Variants in TMCC3 observed in about 807,000 individuals in gnomAD.
TMCC3 encodes the protein transmembrane and coiled-coil domain family 3, also known as transmembrane and coiled-coil domain protein 3.
TMCC3 carries 28 observed loss-of-function variants against 40.2 expected under a neutral mutation model. The ratio of observed to expected loss-of-function variants is 0.70; its 90% CI spans 0.52 to 0.95. The LOEUF is 0.95. Among genes scored for constraint, TMCC3 ranks in the 40% least tolerant of loss-of-function variants. The pLI, the probability that TMCC3 is intolerant of heterozygous loss-of-function variation, is 0.00. For missense variants in TMCC3, 554 were observed against 615.2 expected (o/e 0.90, Z 1.05); for synonymous variants, 255 against 248.5 (o/e 1.03, Z -0.25).
chr12:94,631,498 G>A (rs528892920), intron 1 of TMCC3, among the ~76,000 whole-genome samples: 1 of 151,908 alleles, frequency 6.6e-6, no homozygotes, highest in South Asian at 2.1e-4. Flanking sequence ...GGAGAAAGAC[G>A]GCCACCTACA....
chr12:94,623,440 C>A (rs930951413), intron 1 of TMCC3, among the ~76,000 whole-genome samples: 1 of 152,204 alleles, frequency 6.6e-6, no homozygotes, highest in Non-Finnish European at 1.5e-5. Flanking sequence ...AGCTACCAGG[C>A]TAGAATGCTG....
chr12:94,602,493 G>A lies in TMCC3; in HGVS notation c.79-19955C>T, dbSNP rs572194247. Among the ~76,000 whole-genome samples the A allele has an allele frequency of 2.0e-4, 31 of 152,238 alleles. No individual in the cohort carries two copies. The South Asian group carries it at 5.2e-3, about 25-fold the overall frequency. On this transcript the variant is annotated intron_variant, in intron 1 of 3. Coordinates refer to ENST00000261226, the MANE Select transcript of TMCC3 (RefSeq NM_020698.4). ...TTAAGAATAGGTTTTAATAAAAGACGAAGTTCCATGAACGGTCAGTAACAT... is the reference window on the plus strand; with the variant it reads ...TTAAGAATAGGTTTTAATAAAAGACAAAGTTCCATGAACGGTCAGTAACAT...
intron 1 of TMCC3, among the ~76,000 whole-genome samples, chr12:94,598,944 C>G (rs1415004893): frequency 1.3e-5 from 2 of 152,164 alleles, no homozygotes; most frequent in East Asian, 1.9e-4. Flanking sequence ...AGGACCCACT[C>G]AAAACACTCG....
At chr12:94,583,598 C>T (rs183031698) in intron 1 of TMCC3, among the ~76,000 whole-genome samples, 203 of 152,314 alleles carry the variant, frequency 1.3e-3, no homozygotes, top group African/African-American at 4.7e-3. Flanking sequence ...AACTGCAACG[C>T]AGCATTGAGT....
Position 94,650,232 on chromosome 12 carries a change from G to A in TMCC3, c.78+121C>T, listed in dbSNP as rs1325937942. 3 of 505,634 alleles carry A rather than the reference G, an allele frequency of 5.9e-6. No homozygotes were observed. The African/African-American group carries it at 6.1e-5, about 10-fold the overall frequency. The allele number at this position is 505,634 out of a possible 1,614,324, so 31.3% of individuals were successfully genotyped here. A position where few individuals can be genotyped will look rare whatever the true frequency, so the allele number is the denominator to read the frequency against. On this transcript the variant is annotated intron_variant, in intron 1 of 3. Coordinates refer to ENST00000261226, the MANE Select transcript of TMCC3 (RefSeq NM_020698.4). Reference sequence around the variant, plus strand: ...AGGATCGGGGAGGCACGGACCTCCGGCGGCAGCGGAGGGCGGCGGCGAAAC... The same window carrying A: ...AGGATCGGGGAGGCACGGACCTCCGACGGCAGCGGAGGGCGGCGGCGAAAC...
At chr12:94,624,791 AAG>A (rs1426243546) in intron 1 of TMCC3, among the ~76,000 whole-genome samples, 1 of 152,130 alleles carries the variant, frequency 6.6e-6, no homozygotes, top group Non-Finnish European at 1.5e-5. Flanking sequence ...TGAACCTTTT[AAG>A]AGAGGGGGAA....
intron 2 of TMCC3, among the ~76,000 whole-genome samples, chr12:94,580,650 G>A (rs1354015537): frequency 2.6e-5 from 4 of 152,062 alleles, no homozygotes; most frequent in Admixed American, 6.6e-5. Flanking sequence ...CAGGAGGATC[G>A]CTTGAAACCA....
chr12:94,633,054 C>A (rs1192522604), intron 1 of TMCC3, among the ~76,000 whole-genome samples: 1 of 151,700 alleles, frequency 6.6e-6, no homozygotes, highest in African/African-American at 2.4e-5. Flanking sequence ...CGCAGTGGGC[C>A]GAGATTGCAC....
chr12:94,599,305 GAAGACTCCAGAGCC>G (rs1485029142), intron 1 of TMCC3, among the ~76,000 whole-genome samples: 1 of 152,126 alleles, frequency 6.6e-6, no homozygotes, highest in Non-Finnish European at 1.5e-5. Context: ...GGGTTCTTCA[GAAGACTCCAGAGCC>G]AAGAACAGTG....
rs147073199 is a variant in TMCC3, at chr12:94,586,533, G to A, written c.79-3995C>T. 7.8e-3 allele frequency among the ~76,000 whole-genome samples: 1,193 copies of A among 152,326 alleles called. 7 individuals carry two copies. The highest frequency in any genetic ancestry group is 0.011 in the Non-Finnish European group (779 of 68,032). ...CCCTCCTGGAGCTCACAGATAAGACGAGATGAAGTTATTTAAAATCTGGCT... is the reference window on the plus strand; with the variant it reads ...CCCTCCTGGAGCTCACAGATAAGACAAGATGAAGTTATTTAAAATCTGGCT... On this transcript the variant is annotated intron_variant, in intron 1 of 3. Transcript: ENST00000261226.
chr12:94,593,129 G>T (rs2068689072), intron 1 of TMCC3, among the ~76,000 whole-genome samples: 1 of 151,048 alleles, frequency 6.6e-6, no homozygotes, highest in Non-Finnish European at 1.5e-5. Context: ...CCTGGGAGGT[G>T]GAGGTTACAG....
intron 1 of TMCC3, among the ~76,000 whole-genome samples, chr12:94,643,571 T>C (rs2069002462): frequency 6.6e-6 from 1 of 152,242 alleles, no homozygotes; most frequent in Non-Finnish European, 1.5e-5. Context: ...GACTTCAAAC[T>C]ACTAGCAAAA....
chr12:94,601,237 G>A (rs79134596), intron 1 of TMCC3, among the ~76,000 whole-genome samples: 8,533 of 152,190 alleles, frequency 0.056, 263 homozygotes, highest in South Asian at 0.13. Flanking sequence ...TGCCCTGGCC[G>A]GGCGCGGTGG....
At chr12:94,586,841 T>C (rs1431189053) in intron 1 of TMCC3, among the ~76,000 whole-genome samples, 6 of 152,194 alleles carry the variant, frequency 3.9e-5, no homozygotes, top group African/African-American at 1.4e-4. Flanking sequence ...TTCTCAAGAG[T>C]CCAGGTTGGC....
chr12:94,589,857 G>A (rs1243655820), intron 1 of TMCC3, among the ~76,000 whole-genome samples: 1 of 152,164 alleles, frequency 6.6e-6, no homozygotes. Context: ...CTTAGGTGGG[G>A]CTCAACTCAG....
chr12:94,587,445 C>T (rs774049342), intron 1 of TMCC3, among the ~76,000 whole-genome samples: 4 of 152,156 alleles, frequency 2.6e-5, no homozygotes, highest in Non-Finnish European at 5.9e-5. Flanking sequence ...CCAAGGGCTC[C>T]GGAAACAGAC....
intron 1 of TMCC3, among the ~76,000 whole-genome samples, chr12:94,599,115 G>A (rs1315503504): frequency 3.3e-5 from 5 of 152,258 alleles, no homozygotes; most frequent in South Asian, 4.1e-4. Flanking sequence ...GAATTGCCTC[G>A]TCTTGGGCAA....
At chr12:94,604,093 T>C (rs928302199) in intron 1 of TMCC3, among the ~76,000 whole-genome samples, 8 of 152,228 alleles carry the variant, frequency 5.3e-5, no homozygotes, top group Non-Finnish European at 1.0e-4. Context: ...TAGCAAGGCA[T>C]TAATATCTGT....
intron 1 of TMCC3, among the ~76,000 whole-genome samples, chr12:94,649,057 T>C (rs1185303717): frequency 2.6e-5 from 4 of 152,202 alleles, no homozygotes; most frequent in Non-Finnish European, 5.9e-5. Flanking sequence ...TTACGAAACT[T>C]ATACACAAAG....
Sources: allele counts gnomAD v4.1 joint callset (sites outside exome capture counted in the v4.1 genomes callset), GRCh38; gene constraint gnomAD v4.1.1; transcripts MANE v1.5; gene names NCBI Gene and HGNC (gene_info 2026-07-23, HGNC 2026-07-21).